PARD6G: variants seen among roughly 807,000 people sequenced by gnomAD.
PARD6G encodes the protein par-6 family cell polarity regulator gamma.
A neutral mutation model predicts 10.7 loss-of-function variants in PARD6G; 7 were observed. The observed-to-expected ratio is 0.66, with a 90% confidence interval of 0.37 to 1.23. The LOEUF (loss-of-function observed/expected upper bound fraction) is 1.23, where lower values mean the gene tolerates loss of function less well. Among genes scored for constraint, PARD6G ranks in the 50% most tolerant of loss-of-function variants. The pLI is 0.02. For missense variants in PARD6G, 548 were observed against 571.8 expected (o/e 0.96, Z 0.42); for synonymous variants, 287 against 269.4 (o/e 1.07, Z -0.64).
At chr18:80,198,136 G>A (rs1286208120) in intron 2 of PARD6G, among the ~76,000 whole-genome samples, 1 of 152,136 alleles carries the variant, frequency 6.6e-6, no homozygotes, top group Non-Finnish European at 1.5e-5. Context: ...GAGAACGTCC[G>A]GAGAGAACGT....
At chr18:80,208,027 T>A (rs904518141) in intron 1 of PARD6G, among the ~76,000 whole-genome samples, 1 of 152,044 alleles carries the variant, frequency 6.6e-6, no homozygotes, top group African/African-American at 2.4e-5. Flanking sequence ...GATAGTGGTA[T>A]CAAATCACTG....
At chr18:80,179,321 C>T (rs1023789023) in intron 2 of PARD6G, among the ~76,000 whole-genome samples, 6 of 151,806 alleles carry the variant, frequency 4.0e-5, no homozygotes, top group East Asian at 1.9e-4. Context: ...AAGCCTCAGA[C>T]GCTCAGCAAG....
intron 2 of PARD6G, chr18:80,170,406 A>C (rs1279282370): frequency 6.6e-6 from 1 of 152,374 alleles, no homozygotes; most frequent in Non-Finnish European, 1.5e-5. Flanking sequence ...AGCACAGAAC[A>C]GCTCAAGATC....
intron 1 of PARD6G, among the ~76,000 whole-genome samples, chr18:80,223,297 T>G (rs1967252309): frequency 6.6e-6 from 1 of 152,160 alleles, no homozygotes; most frequent in African/African-American, 2.4e-5. Context: ...ACCTTTGTGC[T>G]TCAAGGAACA....
intron 2 of PARD6G, among the ~76,000 whole-genome samples, chr18:80,166,756 C>T (rs1599843664): frequency 1.3e-5 from 2 of 151,800 alleles, no homozygotes; most frequent in South Asian, 4.2e-4. Context: ...CAGGGGAGTG[C>T]ATAGCCCTCC....
chr18:80,180,048 G>A lies in PARD6G; in HGVS notation c.296-19442C>T, dbSNP rs1192255147. ...GGAACGCCCCATTGTGCCTCAGAACGAAAGTTCAGTGGTCTGCAGAGAGGA... is the reference window on the plus strand; with the variant it reads ...GGAACGCCCCATTGTGCCTCAGAACAAAAGTTCAGTGGTCTGCAGAGAGGA... On this transcript the variant is annotated intron_variant, in intron 2 of 2. Transcript: ENST00000353265. This position sits in a 1 kb window ranked among gnomAD's most constrained non-coding sequence, Gnocchi z 5.6. Among the ~76,000 whole-genome samples, 1 of 152,230 alleles carries A rather than the reference G, an allele frequency of 6.6e-6. No homozygotes were observed. The highest frequency in any genetic ancestry group is 1.5e-5 in the Non-Finnish European group (1 of 68,050).
At position 80,247,017 on chromosome 18, in the gene PARD6G, G is replaced by T. The variant is rs1377931165; in HGVS notation, c.72+260C>A. ...ACAAAAGAGCAGCTCCCGCGGAGCG[G>T]GTCCAGAGTCTGCCCGGACTGTCCG... On this transcript the variant is annotated intron_variant, in intron 1 of 2. Transcript: ENST00000353265. This position sits in a 1 kb window ranked among gnomAD's most constrained non-coding sequence, Gnocchi z 4.2. Among the ~76,000 whole-genome samples, 1 of 152,128 alleles carries T rather than the reference G, an allele frequency of 6.6e-6. No homozygotes were observed. The highest frequency in any genetic ancestry group is 2.4e-5 in the African/African-American group (1 of 41,444).
At position 80,158,473 on chromosome 18, in the gene PARD6G, T is replaced by A. The variant is rs1476837843; in HGVS notation, c.*1298A>T. 1.3e-5 allele frequency: 2 copies of A among 152,272 alleles called. No homozygotes were observed. Among genetic ancestry groups the A allele is most frequent in the Non-Finnish European group, 2.9e-5 (2 of 68,056 alleles). 9.4% of individuals were successfully genotyped at this position (152,272 alleles called of 1,614,324 possible). A position where few individuals can be genotyped will look rare whatever the true frequency, so the allele number is the denominator to read the frequency against. ...AGGCTTACATCCCAAATGGGACTGC[T>A]GAGCCCAGTCCAGCAGAGCTGCTGC... On this transcript the variant is annotated 3_prime_UTR_variant, in exon 3 of 3. Transcript: ENST00000353265.
intron 1 of PARD6G, 129 bp from the exon 2 acceptor site, chr18:80,203,061 C>T: frequency 1.6e-6 from 1 of 627,288 alleles, no homozygotes; most frequent in Non-Finnish European, 2.9e-6. Flanking sequence ...ATCAATCATC[C>T]ACTGATAGAC....
chr18:80,209,835 G>A (rs1967089188), intron 1 of PARD6G, among the ~76,000 whole-genome samples: 1 of 152,096 alleles, frequency 6.6e-6, no homozygotes, highest in South Asian at 2.1e-4. Flanking sequence ...TGTATCAAAA[G>A]CTTCTAAATG....
Position 80,159,998 on chromosome 18 carries a change from C to T in PARD6G, c.904G>A (p.Val302Ile). ...EAESDEDNDVVIEGTLEPARP... is the reference protein window; with the variant it reads ...EAESDEDNDVIIEGTLEPARP... Reference sequence around the variant, plus strand: ...GCAGGCTCCAGTGTGCCCTCGATGACGACGTCGTTGTCCTCATCGCTCTCC... The same window carrying T: ...GCAGGCTCCAGTGTGCCCTCGATGATGACGTCGTTGTCCTCATCGCTCTCC... Residue 302 changes from valine to isoleucine, a missense_variant, in exon 3 of 3, where the codon GTC (valine) becomes ATC (isoleucine). Transcript: ENST00000353265. The T allele has an allele frequency of 6.6e-7, 1 of 1,513,028 alleles. No individual in the cohort carries two copies. The highest frequency in any genetic ancestry group is 2.3e-5 in the East Asian group (1 of 42,790). 93.7% of individuals were successfully genotyped at this position (1,513,028 alleles called of 1,614,324 possible). A position where few individuals can be genotyped will look rare whatever the true frequency, so the allele number is the denominator to read the frequency against.
At chr18:80,163,427 T>C (rs1264495743) in intron 2 of PARD6G, among the ~76,000 whole-genome samples, 1 of 136,414 alleles carries the variant, frequency 7.3e-6, no homozygotes, top group Non-Finnish European at 1.6e-5. Context: ...AAGCATCCTC[T>C]TTCTCTCTAC....
chr18:80,232,890 T>TG (rs1241960586), intron 1 of PARD6G, among the ~76,000 whole-genome samples: 1 of 152,186 alleles, frequency 6.6e-6, no homozygotes, highest in Non-Finnish European at 1.5e-5. Flanking sequence ...GCCACATCCC[T>TG]GGGGAACTGC....
chr18:80,162,307 G>A lies in PARD6G; in HGVS notation c.296-1701C>T, dbSNP rs562151514. 4 of 152,668 alleles carry A rather than the reference G, an allele frequency of 2.6e-5. No homozygotes were observed. The South Asian group carries it at 6.2e-4, about 24-fold the overall frequency. The allele number at this position is 152,668 out of a possible 1,614,324, so 9.5% of individuals were successfully genotyped here. A position where few individuals can be genotyped will look rare whatever the true frequency, so the allele number is the denominator to read the frequency against. On this transcript the variant is annotated intron_variant, in intron 2 of 2. Transcript: ENST00000353265. ...ACCTGTAAACCCTGTTTACCCTGACGTGATTATTATGCATTGTATGCCTGT... is the reference window on the plus strand; with the variant it reads ...ACCTGTAAACCCTGTTTACCCTGACATGATTATTATGCATTGTATGCCTGT...
chr18:80,164,848 G>A (rs2052724629), intron 2 of PARD6G, among the ~76,000 whole-genome samples: 1 of 152,162 alleles, frequency 6.6e-6, no homozygotes, highest in Non-Finnish European at 1.5e-5. Context: ...GTAAAACAGG[G>A]AGTGGGTACA....
At chr18:80,244,921 T>C (rs951067586) in intron 1 of PARD6G, among the ~76,000 whole-genome samples, 4 of 152,068 alleles carry the variant, frequency 2.6e-5, no homozygotes, top group African/African-American at 9.7e-5. Flanking sequence ...ACGGACCCTC[T>C]GGACAAGCAG....
chr18:80,162,784 C>T (rs535989959), intron 2 of PARD6G, among the ~76,000 whole-genome samples: 1 of 152,250 alleles, frequency 6.6e-6, no homozygotes, highest in Admixed American at 6.5e-5. Context: ...TGGGGATCAA[C>T]AACACAAAGT....
intron 1 of PARD6G, among the ~76,000 whole-genome samples, chr18:80,220,113 G>A (rs113296711): frequency 0.028 from 4,248 of 152,268 alleles, 94 homozygotes; most frequent in Non-Finnish European, 0.042. Flanking sequence ...GAGGCCTTAG[G>A]AAACTTACAA....
At position 80,182,295 on chromosome 18, in the gene PARD6G, T is replaced by C. The variant is rs1446198040; in HGVS notation, c.295+20415A>G. The stretch of plus-strand genomic sequence containing the variant: ...GCCCTCCCTGAAGGGTGGCAGCTGA[T>C]GCCTGTGTGCCTGAAGGCAGCTCCT... On this transcript the variant is annotated intron_variant, in intron 2 of 2. Transcript: ENST00000353265. The surrounding 1 kb of genome is among the most constrained non-coding windows in gnomAD (Gnocchi z 4.5). Among the ~76,000 whole-genome samples, 1 of 152,214 alleles carries C rather than the reference T, an allele frequency of 6.6e-6. No individual in the cohort carries two copies. Among genetic ancestry groups the C allele is most frequent in the East Asian group, 1.9e-4 (1 of 5,194 alleles).
Sources: allele counts gnomAD v4.1 joint callset (sites outside exome capture counted in the v4.1 genomes callset), GRCh38; gene constraint gnomAD v4.1.1; non-coding constraint Gnocchi (gnomAD v3.1); transcripts MANE v1.5; gene names NCBI Gene and HGNC (gene_info 2026-07-23, HGNC 2026-07-21).